The following EEFSEC variants were observed in gnomAD, a reference collection of about 807,000 sequenced individuals.
The protein encoded by EEFSEC is eukaryotic elongation factor, selenocysteine-tRNA specific, also known as selenocysteine-specific elongation factor.
EEFSEC carries 43 observed loss-of-function variants against 42.1 expected under a neutral mutation model. The ratio of observed to expected loss-of-function variants is 1.02; its 90% confidence interval spans 0.80 to 1.32. EEFSEC has a LOEUF of 1.32. Among genes scored for constraint, EEFSEC ranks in the 40% most tolerant of loss-of-function variants. The probability of loss-of-function intolerance (pLI) is 0.00; values close to 1 mark genes in which losing one functional copy is unlikely to be tolerated. For missense variants in EEFSEC, 745 were observed against 803.6 expected, an observed-to-expected ratio of 0.93 and a Z score of 0.88; for synonymous variants, 354 against 339.1, an observed-to-expected ratio of 1.04 and a Z score of -0.48.
Position 128,400,569 on chromosome 3 carries a change from A to G in EEFSEC, c.1601-7500A>G, listed in dbSNP as rs572551413. Among the ~76,000 whole-genome samples the G allele has an allele frequency of 3.9e-5, 6 of 152,290 alleles. No homozygotes were observed. In the East Asian group the frequency reaches 1.2e-3, roughly 29 times the overall value. ...AAACTGCTTGTTTACAGCAGTGGGTAGTGCTGGAGTGACTAGAGCGGCCCC... is the reference window on the plus strand; with the variant it reads ...AAACTGCTTGTTTACAGCAGTGGGTGGTGCTGGAGTGACTAGAGCGGCCCC... On this transcript the variant is annotated intron_variant, in intron 6 of 6. Coordinates refer to ENST00000254730, the MANE Select transcript of EEFSEC (RefSeq NM_021937.5).
intron 1 of EEFSEC, among the ~76,000 whole-genome samples, chr3:128,180,739 G>A (rs2065397088): frequency 6.6e-6 from 1 of 152,230 alleles, no homozygotes; most frequent in Non-Finnish European, 1.5e-5. Context: ...TCCAGAGCCA[G>A]CAGAACCTGC....
intron 6 of EEFSEC, among the ~76,000 whole-genome samples, chr3:128,369,204 C>G (rs1405847064): frequency 1.3e-5 from 2 of 152,170 alleles, no homozygotes; most frequent in Non-Finnish European, 1.5e-5. Context: ...TGGGAGGCTT[C>G]TGGAAACTCA....
At chr3:128,196,106 AT>A (rs1348229703) in intron 1 of EEFSEC, among the ~76,000 whole-genome samples, 1 of 152,214 alleles carries the variant, frequency 6.6e-6, no homozygotes, top group African/African-American at 2.4e-5. Flanking sequence ...CTGCTGTTTG[AT>A]TGTGTGAGAG....
intron 5 of EEFSEC, among the ~76,000 whole-genome samples, chr3:128,345,280 T>C (rs1458999340): frequency 1.3e-5 from 2 of 152,206 alleles, no homozygotes; most frequent in African/African-American, 4.8e-5. Flanking sequence ...AAAATAATAA[T>C]GCCTGGAGCG....
At chr3:128,179,609 A>G (rs1335752145) in intron 1 of EEFSEC, among the ~76,000 whole-genome samples, 1 of 152,258 alleles carries the variant, frequency 6.6e-6, no homozygotes, top group Non-Finnish European at 1.5e-5. Context: ...AAGGCTGCTC[A>G]GACTTTAGTC....
At chr3:128,356,942 T>G (rs2067462349) in intron 5 of EEFSEC, among the ~76,000 whole-genome samples, 1 of 152,282 alleles carries the variant, frequency 6.6e-6, no homozygotes, top group African/African-American at 2.4e-5. Context: ...TGTCAGCTTT[T>G]GCTGCTGCAG....
intron 4 of EEFSEC, among the ~76,000 whole-genome samples, chr3:128,298,532 A>G (rs1472741202): frequency 6.6e-6 from 1 of 152,246 alleles, no homozygotes; most frequent in African/African-American, 2.4e-5. Context: ...TGTAATGATC[A>G]AATTAAGGTA....
At chr3:128,411,168 A>G (rs560085055), downstream of EEFSEC, among the ~76,000 whole-genome samples, 255 of 152,344 alleles carry the variant, frequency 1.7e-3, no homozygotes, top group African/African-American at 5.6e-3. Flanking sequence ...AGCTGGTGCC[A>G]GCACCCGCTT....
chr3:128,218,739 T>G (rs769815424), intron 1 of EEFSEC, among the ~76,000 whole-genome samples: 7 of 152,178 alleles, frequency 4.6e-5, no homozygotes, highest in African/African-American at 7.2e-5. Flanking sequence ...AGCAAGTGAA[T>G]AAGAACAGAG....
the EEFSEC span, among the ~76,000 whole-genome samples, chr3:128,414,338 A>C: frequency 3.9e-5 from 6 of 152,190 alleles, no homozygotes; most frequent in African/African-American, 1.4e-4. Context: ...CACTCTCTGC[A>C]GGGCCCTCCC....
Position 128,246,924 on chromosome 3 carries a change from G to C in EEFSEC, c.405G>C (p.Gln135His), listed in dbSNP as rs139131272. Reference protein sequence around the residue: ...TQSAECLVIGQIACQKLVVVL... With the variant: ...TQSAECLVIGHIACQKLVVVL... ...CAGCGGAATGCCTTGTGATCGGCCA[G>C]ATTGCCTGCCAGAAGCTGGTCGTGG... Residue 135 changes from glutamine to histidine, a missense_variant, in exon 2 of 7, where the codon CAG (glutamine) becomes CAC (histidine). Coordinates refer to ENST00000254730, the MANE Select transcript of EEFSEC (RefSeq NM_021937.5). 3.7e-6 allele frequency: 6 copies of C among 1,614,114 alleles called. No homozygotes were observed. Among genetic ancestry groups the C allele is most frequent in the Admixed American group, 1.7e-5 (1 of 60,006 alleles).
At chr3:128,181,644 G>A (rs2065406883) in intron 1 of EEFSEC, among the ~76,000 whole-genome samples, 1 of 152,190 alleles carries the variant, frequency 6.6e-6, no homozygotes, top group African/African-American at 2.4e-5. Context: ...CAGTATGTCT[G>A]ATCCTTATGC....
chr3:128,260,460 A>G (rs564384904), intron 2 of EEFSEC, among the ~76,000 whole-genome samples: 24 of 152,306 alleles, frequency 1.6e-4, no homozygotes, highest in Non-Finnish European at 2.6e-4. Flanking sequence ...ATGTTAAACA[A>G]TTGCCTCTGA....
intron 4 of EEFSEC, among the ~76,000 whole-genome samples, chr3:128,325,291 T>C (rs2067052321): frequency 6.6e-6 from 1 of 152,260 alleles, no homozygotes; most frequent in Admixed American, 6.5e-5. Flanking sequence ...GCTCCAGATT[T>C]GGACCCAAGC....
intron 4 of EEFSEC, among the ~76,000 whole-genome samples, chr3:128,325,117 A>G (rs1284274666): frequency 1.3e-5 from 2 of 152,208 alleles, no homozygotes; most frequent in Non-Finnish European, 2.9e-5. Context: ...GCATCATCCC[A>G]GAGTGGACCT....
At chr3:128,412,191 G>A (rs1225806659), downstream of EEFSEC, among the ~76,000 whole-genome samples, 1 of 152,252 alleles carries the variant, frequency 6.6e-6, no homozygotes, top group Admixed American at 6.5e-5. Flanking sequence ...ATGCAGGTTA[G>A]TGGGGCCTCT....
chr3:128,368,736 T>C (rs1204743518), intron 6 of EEFSEC, among the ~76,000 whole-genome samples: 1 of 152,242 alleles, frequency 6.6e-6, no homozygotes, highest in Non-Finnish European at 1.5e-5. Flanking sequence ...CTTGAAGGAC[T>C]GTGAGGAGTA....
chr3:128,204,287 T>C (rs961900067), intron 1 of EEFSEC, among the ~76,000 whole-genome samples: 4 of 152,244 alleles, frequency 2.6e-5, no homozygotes, highest in Non-Finnish European at 5.9e-5. Flanking sequence ...TATGTACTTA[T>C]GACAGTCATT....
intron 4 of EEFSEC, among the ~76,000 whole-genome samples, chr3:128,291,773 T>G (rs529434934): frequency 6.6e-6 from 1 of 151,778 alleles, no homozygotes; most frequent in East Asian, 1.9e-4. Context: ...CTTTTTGCCT[T>G]TTTTCCCCCT....
Sources: allele counts gnomAD v4.1 joint callset (sites outside exome capture counted in the v4.1 genomes callset), GRCh38; gene constraint gnomAD v4.1.1; transcripts MANE v1.5; gene names NCBI Gene and HGNC (gene_info 2026-07-23, HGNC 2026-07-21).